Variants in IQCM observed in about 807,000 individuals in gnomAD.
The protein encoded by IQCM is IQ domain-containing protein M.
Under a neutral mutation model 57.6 loss-of-function variants are expected in IQCM, and 45 were observed. The ratio of observed to expected loss-of-function variants is 0.78; its 90% confidence interval spans 0.62 to 1.00. IQCM has a LOEUF of 1.00. Among genes scored for constraint, IQCM ranks in the 50% least tolerant of loss-of-function variants. The pLI, the probability that IQCM is intolerant of heterozygous loss-of-function variation, is 0.00. For missense variants in IQCM, 468 were observed against 511.6 expected, an observed-to-expected ratio of 0.91 and a Z score of 0.82; for synonymous variants, 148 against 158.9, an observed-to-expected ratio of 0.93 and a Z score of 0.51.
At chr4:149,626,230 CTA>C (rs1259497295) in intron 7 of IQCM, among the ~76,000 whole-genome samples, 4 of 151,796 alleles carry the variant, frequency 2.6e-5, no homozygotes, top group Non-Finnish European at 5.9e-5. Flanking sequence ...GCCTCCCAGC[CTA>C]CATCTTTCTC....
At chr4:149,481,706 T>TTTTTTTTTTTTGTTG (rs1740870611) in intron 12 of IQCM, among the ~76,000 whole-genome samples, 1 of 133,370 alleles carries the variant, frequency 7.5e-6, no homozygotes, top group African/African-American at 2.8e-5. Context: ...GTTTTGTTTT[T>TTTTTTTTTTTTGTTG]TTTTTTTTTT....
At chr4:149,357,677 G>A (rs1729109565) in intron 13 of IQCM, among the ~76,000 whole-genome samples, 1 of 152,184 alleles carries the variant, frequency 6.6e-6, no homozygotes, top group African/African-American at 2.4e-5. Context: ...TTGCACCAAT[G>A]TTTATCAAGG....
intron 12 of IQCM, among the ~76,000 whole-genome samples, chr4:149,444,924 A>G (rs184891706): frequency 1.1e-3 from 164 of 152,050 alleles, no homozygotes; most frequent in African/African-American, 3.6e-3. Context: ...CTTTGACTAC[A>G]TTAAAACAAA....
intron 8 of IQCM, among the ~76,000 whole-genome samples, chr4:149,607,724 T>C (rs1435093475): frequency 6.6e-6 from 1 of 152,022 alleles, no homozygotes; most frequent in African/African-American, 2.4e-5. Context: ...AAATAATTGA[T>C]TGTAAGATGT....
intron 12 of IQCM, among the ~76,000 whole-genome samples, chr4:149,480,013 A>G (rs1309175486): frequency 6.6e-6 from 1 of 152,222 alleles, no homozygotes; most frequent in Non-Finnish European, 1.5e-5. Flanking sequence ...CTCATTTGCA[A>G]TGAAAAGCCA....
chr4:149,556,809 T>C (rs1308457817), intron 10 of IQCM, among the ~76,000 whole-genome samples: 1 of 152,212 alleles, frequency 6.6e-6, no homozygotes, highest in Non-Finnish European at 1.5e-5. Flanking sequence ...GCATAGCTAC[T>C]GGACATGTGT....
rs545716750 is a variant in IQCM, at chr4:149,472,754, G to A, written c.1229-39197C>T. On this transcript the variant is annotated intron_variant, in intron 12 of 13. Transcript: ENST00000636793. ...AGGCTACAGTAACCAAAACAGCATG[G>A]TACTGGTACCAAAACAGAGATATAG... Among the ~76,000 whole-genome samples the A allele has an allele frequency of 1.6e-4, 24 of 152,132 alleles. No individual in the cohort carries two copies. The East Asian group carries it at 2.5e-3, about 16-fold the overall frequency.
chr4:149,384,595 C>A (rs1332790357), intron 13 of IQCM, among the ~76,000 whole-genome samples: 1 of 152,088 alleles, frequency 6.6e-6, no homozygotes, highest in East Asian at 1.9e-4. Flanking sequence ...AGTCACTTTT[C>A]CACAATTTAT....
chr4:149,508,428 C>G (rs1161979527), intron 12 of IQCM, among the ~76,000 whole-genome samples: 1 of 152,166 alleles, frequency 6.6e-6, no homozygotes, highest in Non-Finnish European at 1.5e-5. Context: ...ACCATGGGAA[C>G]CCACCTCTTG....
intron 13 of IQCM, among the ~76,000 whole-genome samples, chr4:149,404,096 G>A (rs1459131294): frequency 6.6e-6 from 1 of 151,970 alleles, no homozygotes; most frequent in African/African-American, 2.4e-5. Flanking sequence ...GAGTAAGACA[G>A]AATTTCTTCC....
chr4:149,366,557 T>G (rs923114352), intron 13 of IQCM, among the ~76,000 whole-genome samples: 5 of 151,874 alleles, frequency 3.3e-5, no homozygotes, highest in Non-Finnish European at 7.4e-5. Context: ...TCTTCTAAAT[T>G]CTATAATCTT....
At chr4:149,654,069 T>C (rs566839018) in intron 7 of IQCM, among the ~76,000 whole-genome samples, 90 of 152,316 alleles carry the variant, frequency 5.9e-4, no homozygotes, top group Non-Finnish European at 1.0e-3. Flanking sequence ...ACAATGTTTC[T>C]GAAAAGCGGA....
chr4:149,365,509 A>C (rs901483165), intron 13 of IQCM, among the ~76,000 whole-genome samples: 2 of 152,180 alleles, frequency 1.3e-5, no homozygotes. Context: ...CCATCCTTTG[A>C]GTGTGAGCTA....
intron 2 of IQCM, 134 bp from the exon 3 acceptor site, chr4:149,742,873 A>G (rs888846392): frequency 7.5e-6 from 3 of 398,300 alleles, no homozygotes; most frequent in Non-Finnish European, 1.3e-5. Context: ...TATAACCTTC[A>G]ATGCCTTCCC....
chr4:149,370,621 A>C (rs905408143), intron 13 of IQCM, among the ~76,000 whole-genome samples: 1 of 151,988 alleles, frequency 6.6e-6, no homozygotes, highest in African/African-American at 2.4e-5. Flanking sequence ...GGGTTTTGTA[A>C]AAAGAGTGTG....
intron 7 of IQCM, among the ~76,000 whole-genome samples, chr4:149,639,738 T>C (rs1259321068): frequency 6.6e-6 from 1 of 152,026 alleles, no homozygotes; most frequent in East Asian, 1.9e-4. Flanking sequence ...CTGGGAAATA[T>C]GGCAAAACTC....
chr4:149,398,699 T>C (rs114852293), intron 13 of IQCM, among the ~76,000 whole-genome samples: 3,867 of 151,960 alleles, frequency 0.025, 139 homozygotes, highest in African/African-American at 0.086. Flanking sequence ...TGTGTAGATG[T>C]ACTATACTTT....
chr4:149,527,136 T>G (rs1220617713), intron 12 of IQCM, among the ~76,000 whole-genome samples: 1 of 152,146 alleles, frequency 6.6e-6, no homozygotes, highest in African/African-American at 2.4e-5. Context: ...TCCCATAAAC[T>G]ATCAAGCACT....
chr4:149,653,966 C>T (rs930044196), intron 7 of IQCM, among the ~76,000 whole-genome samples: 2 of 151,964 alleles, frequency 1.3e-5, no homozygotes, highest in Admixed American at 6.6e-5. Context: ...ATTAAATCAT[C>T]TAATATATAA....
Sources: allele counts gnomAD v4.1 joint callset (sites outside exome capture counted in the v4.1 genomes callset), GRCh38; gene constraint gnomAD v4.1.1; transcripts MANE v1.5; gene names NCBI Gene and HGNC (gene_info 2026-07-23, HGNC 2026-07-21).